Variants in TVP23A observed in about 807,000 individuals in gnomAD.
TVP23A encodes the protein trans-golgi network vesicle protein 23 homolog A.
TVP23A carries 21 observed loss-of-function variants against 31.7 expected under a neutral mutation model. The ratio of observed to expected loss-of-function variants is 0.66; its 90% CI spans 0.47 to 0.95. The LOEUF is 0.95. Ranked by LOEUF, TVP23A falls within the 40% of genes least tolerant of loss-of-function variation. TVP23A has a pLI of 0.00. For synonymous variants in TVP23A, 104 were observed against 96.0 expected (o/e 1.08, Z -0.49); for missense variants, 279 against 255.6 (o/e 1.09, Z -0.62).
chr16:10,783,139 T>A (rs1596519109), intron 2 of TVP23A, among the ~76,000 whole-genome samples: 1 of 152,138 alleles, frequency 6.6e-6, no homozygotes, highest in African/African-American at 2.4e-5. Flanking sequence ...ATGTTCTGTA[T>A]CTTTATCTAA....
intron 2 of TVP23A, among the ~76,000 whole-genome samples, chr16:10,804,999 A>G (rs576227300): frequency 1.1e-3 from 163 of 151,814 alleles, no homozygotes; most frequent in African/African-American, 3.8e-3. Context: ...CGGTGTGTTC[A>G]TCTATTCTGA....
chr16:10,800,129 C>T (rs2033626623), intron 2 of TVP23A, among the ~76,000 whole-genome samples: 1 of 144,982 alleles, frequency 6.9e-6, no homozygotes, highest in Non-Finnish European at 1.5e-5. Flanking sequence ...CAGGGTCTTG[C>T]TATATTGTCC....
chr16:10,794,567 T>C (rs539856861), intron 2 of TVP23A, among the ~76,000 whole-genome samples: 1 of 152,222 alleles, frequency 6.6e-6, no homozygotes, highest in East Asian at 1.9e-4. Flanking sequence ...GAAGAGGACA[T>C]TGTGCTATTT....
At position 10,771,801 on chromosome 16, in the gene TVP23A, G is replaced by T; in HGVS notation, c.454-3C>A. 6.4e-7 allele frequency: 1 copy of T among 1,566,756 alleles called. No homozygotes were observed. Among genetic ancestry groups the T allele is most frequent in the Non-Finnish European group, 8.7e-7 (1 of 1,155,240 alleles). ...GAGATCCCAGCAACCACCAGAGCCT[G>T]CACTCAGACAAAGAAAGCAAAGGTC... is the stretch of plus-strand genomic sequence containing the variant. On this transcript the variant is annotated splice_polypyrimidine_tract_variant and splice_region_variant and intron_variant, in intron 5 of 7. Coordinates refer to ENST00000299866, the MANE Select transcript of TVP23A (RefSeq NM_001079512.4).
Position 10,796,700 on chromosome 16 carries a change from A to C in TVP23A, c.89+21403T>G. On this transcript the variant is annotated intron_variant, in intron 2 of 7. Transcript: ENST00000299866. ...TGATCAGCCCGCCTCAGACTCCCAA[A>C]GTGCTGGGATTACAGGCGTGAGCCA... is the stretch of plus-strand genomic sequence containing the variant. 1.3e-5 allele frequency among the ~76,000 whole-genome samples: 2 copies of C among 152,128 alleles called. 1 individual carries two copies. The highest frequency in any genetic ancestry group is 2.9e-5 in the Non-Finnish European group (2 of 68,016).
In TVP23A at chr16:10,777,588, A is replaced by G. The variant is rs1433436679; in HGVS notation, c.90-2492T>C. The stretch of plus-strand genomic sequence containing the variant: ...GTTAAGATTCAGAAGCAGACTTCAC[A>G]GTGACTTTTTTGCGTAGCAAAGCAC... On this transcript the variant is annotated intron_variant, in intron 2 of 7. Coordinates refer to ENST00000299866, the MANE Select transcript of TVP23A (RefSeq NM_001079512.4). This position sits in a 1 kb window ranked among gnomAD's most constrained non-coding sequence, Gnocchi z 4.5. Among the ~76,000 whole-genome samples the G allele has an allele frequency of 7.2e-6, 1 of 139,516 alleles. No homozygotes were observed. Among genetic ancestry groups the G allele is most frequent in the Non-Finnish European group, 1.6e-5 (1 of 63,614 alleles). The allele number at this position is 139,516 out of a possible 152,430, so 91.5% of individuals were successfully genotyped here.
chr16:10,783,700 A>G (rs1490227641), intron 2 of TVP23A, among the ~76,000 whole-genome samples: 3 of 152,184 alleles, frequency 2.0e-5, no homozygotes, highest in Non-Finnish European at 4.4e-5. Context: ...ATGTCCTTCA[A>G]TAGCAGAATG....
chr16:10,775,264 T>C, intron 2 of TVP23A, 168 bp from the exon 3 acceptor site: 1 of 1,435,996 alleles, frequency 7.0e-7, no homozygotes, highest in Non-Finnish European at 9.1e-7. Context: ...GACACATCAT[T>C]AGGTCAGCAG....
At chr16:10,763,231 G>C (rs1477942532), downstream of TVP23A, among the ~76,000 whole-genome samples, 1 of 152,056 alleles carries the variant, frequency 6.6e-6, no homozygotes, top group African/African-American at 2.4e-5. Context: ...GGAGAAGGTG[G>C]TTCATGTCCG....
At chr16:10,797,303 C>T (rs544654605) in intron 2 of TVP23A, among the ~76,000 whole-genome samples, 9 of 151,822 alleles carry the variant, frequency 5.9e-5, no homozygotes, top group African/African-American at 1.7e-4. Flanking sequence ...GAGGCCGAGA[C>T]GGGCGGATCA....
chr16:10,798,932 G>A (rs370488887), intron 2 of TVP23A, among the ~76,000 whole-genome samples: 4 of 152,352 alleles, frequency 2.6e-5, no homozygotes, highest in Non-Finnish European at 5.9e-5. Flanking sequence ...AAAGTTCTGG[G>A]ATTACAGGTG....
At position 10,769,110 on chromosome 16, in the gene TVP23A, A is replaced by G; in HGVS notation, c.*1-9T>C. 6.2e-7 allele frequency: 1 copy of G among 1,613,618 alleles called. No individual in the cohort carries two copies. The highest frequency in any genetic ancestry group is 1.7e-4 in the Middle Eastern group (1 of 6,060). ...GAGAACCTCATCAGTTCCTGAAACG[A>G]GAGAATGTTCAGGACCAAGCAGTTA... On this transcript the variant is annotated splice_polypyrimidine_tract_variant and intron_variant, in intron 7 of 7. Transcript: ENST00000299866.
rs79443007 is a variant in TVP23A at position 10,777,453 on chromosome 16, C to G, written c.90-2357G>C. Among the ~76,000 whole-genome samples the G allele has an allele frequency of 0.044, 6,749 of 152,094 alleles. 501 individuals carry two copies. Among genetic ancestry groups the G allele is most frequent in the African/African-American group, 0.15 (6,370 of 41,442 alleles). On this transcript the variant is annotated intron_variant, in intron 2 of 7. Coordinates refer to ENST00000299866, the MANE Select transcript of TVP23A (RefSeq NM_001079512.4). The surrounding 1 kb of genome is among the most constrained non-coding windows in gnomAD (Gnocchi z 4.5). ...AATGGGGTGGTCACAGAGATCCACA[C>G]AGAACTGCAGGGGAAAGCGCCTGCT...
chr16:10,799,468 G>A (rs1307261121), intron 2 of TVP23A, among the ~76,000 whole-genome samples: 3 of 152,246 alleles, frequency 2.0e-5, no homozygotes, highest in East Asian at 3.9e-4. Context: ...CGAGTAGCTC[G>A]GATTACAGGT....
chr16:10,757,971 G>A (rs556528701), downstream of TVP23A: 661 of 1,614,070 alleles, frequency 4.1e-4, 6 homozygotes, highest in South Asian at 6.0e-3. The surrounding 1 kb of genome is among the most constrained non-coding windows in gnomAD (Gnocchi z 4.1). Context: ...CCTCTCGGTC[G>A]TCCGGTACCT....
rs766744008 is a variant in TVP23A at position 10,810,768 on chromosome 16, C to T, written c.89+7335G>A. Reference sequence around the variant, plus strand: ...TGGAGTCAGACTAGGCCTTACACGTCGGCCCCTCTGTTCTGGGGCTTTCAG... The same window carrying T: ...TGGAGTCAGACTAGGCCTTACACGTTGGCCCCTCTGTTCTGGGGCTTTCAG... On this transcript the variant is annotated intron_variant, in intron 2 of 7. Transcript: ENST00000299866. Among the ~76,000 whole-genome samples, 8 of 152,166 alleles carry T rather than the reference C, an allele frequency of 5.3e-5. No homozygotes were observed. The East Asian group carries it at 5.8e-4, about 11-fold the overall frequency.
At chr16:10,792,516 C>T (rs189951574) in intron 2 of TVP23A, among the ~76,000 whole-genome samples, 138 of 152,304 alleles carry the variant, frequency 9.1e-4, no homozygotes, top group African/African-American at 3.2e-3. Context: ...ACGAGTCTCC[C>T]GAGTGATTCT....
At chr16:10,763,092 G>A (rs1218402856), downstream of TVP23A, among the ~76,000 whole-genome samples, 4 of 152,088 alleles carry the variant, frequency 2.6e-5, no homozygotes, top group Admixed American at 2.6e-4. Flanking sequence ...GCCAGTACAA[G>A]TCACCTGGAG....
intron 2 of TVP23A, among the ~76,000 whole-genome samples, chr16:10,807,932 C>T (rs1352208512): frequency 3.3e-5 from 5 of 152,092 alleles, no homozygotes; most frequent in African/African-American, 1.2e-4. Context: ...AGGCTGGACT[C>T]GAACTCCTGG....
Sources: gnomAD v4.1 joint callset for allele counts (sites outside exome capture counted in the v4.1 genomes callset) on GRCh38, gnomAD v4.1.1 for gene constraint, Gnocchi (gnomAD v3.1) non-coding constraint, MANE v1.5 for transcripts, NCBI Gene and HGNC (gene_info 2026-07-23, HGNC 2026-07-21) for gene names.